The following SPAG6 variants were observed in gnomAD, a reference collection of about 807,000 sequenced individuals.
SPAG6 encodes sperm associated antigen 6.
A neutral mutation model predicts 58.5 loss-of-function variants in SPAG6; 49 were observed. The observed-to-expected ratio is 0.84, with a 90% CI of 0.67 to 1.06. SPAG6 has a LOEUF of 1.06. Ranked by LOEUF, SPAG6 falls within the 50% of genes least tolerant of loss-of-function variation. The probability of loss-of-function intolerance (pLI) is 0.00; values close to 1 mark genes in which losing one functional copy is unlikely to be tolerated. For missense variants in SPAG6, 560 were observed against 611.3 expected, an observed-to-expected ratio of 0.92 and a Z score of 0.89; for synonymous variants, 233 against 225.6, an observed-to-expected ratio of 1.03 and a Z score of -0.29.
In SPAG6 at chr10:22,387,923, T is replaced by A; in HGVS notation, c.779T>A (p.Leu260Gln). The change falls in exon 6 of 11, where the codon CTG (leucine) becomes CAG (glutamine). Residue 260 changes from leucine to glutamine, a missense_variant. Leu to Gln is a moderately radical substitution (Grantham distance 113, BLOSUM62 -2). Transcript: ENST00000376624. ...ATTTTTCCAGTTGTACTTACCTGTC[T>A]GAAGGACAAGGATGAATACGTGAAG... ...AEIFPVVLTCLKDKDEYVKKN... is the reference protein window; with the variant it reads ...AEIFPVVLTCQKDKDEYVKKN... 6.2e-7 allele frequency: 1 copy of A among 1,613,446 alleles called. No individual in the cohort carries two copies.
chr10:22,384,719 G>A (rs979297331), intron 4 of SPAG6, among the ~76,000 whole-genome samples: 3 of 152,132 alleles, frequency 2.0e-5, no homozygotes, highest in South Asian at 2.1e-4. Flanking sequence ...TGCCATCCCC[G>A]GCCTTCCCCA....
At chr10:22,397,395 C>T (rs890739869) in intron 8 of SPAG6, among the ~76,000 whole-genome samples, 3 of 152,188 alleles carry the variant, frequency 2.0e-5, no homozygotes, top group Admixed American at 1.3e-4. Context: ...TTACTGCAAC[C>T]TCCACCTCCC....
At chr10:22,400,539 A>G (rs1006053377) in intron 8 of SPAG6, among the ~76,000 whole-genome samples, 18 of 151,676 alleles carry the variant, frequency 1.2e-4, no homozygotes, top group African/African-American at 4.1e-4. Flanking sequence ...TATGGTACGT[A>G]TTCTTCTGCT....
Position 22,387,880 on chromosome 10 carries a change from A to G in SPAG6, c.736A>G (p.Met246Val). 6.2e-7 allele frequency: 1 copy of G among 1,613,598 alleles called. No homozygotes were observed. The highest frequency in any genetic ancestry group is 8.5e-7 in the Non-Finnish European group (1 of 1,179,774). Residue 246 changes from methionine (M) to valine (V), a missense_variant, in exon 6 of 11, where the codon ATG becomes GTG. By Grantham distance (21) the Met-to-Val change is conservative (BLOSUM62 1). Coordinates refer to ENST00000376624, the MANE Select transcript of SPAG6 (RefSeq NM_012443.4). ...VSKHSVDLAE[M>V]VVEAEIFPVV... is the part of the protein sequence containing the mutation. Reference sequence around the variant, plus strand: ...AAAACATTCCGTGGATCTGGCAGAAATGGTTGTTGAAGCAGAGATTTTTCC... The same window carrying G: ...AAAACATTCCGTGGATCTGGCAGAAGTGGTTGTTGAAGCAGAGATTTTTCC...
At chr10:22,347,042 T>C (rs1836578438) in intron 2 of SPAG6, among the ~76,000 whole-genome samples, 1 of 151,898 alleles carries the variant, frequency 6.6e-6, no homozygotes, top group South Asian at 2.1e-4. Flanking sequence ...TAATTGTTCG[T>C]GTGTGTGTGT....
chr10:22,368,205 G>T (rs1837251254), intron 3 of SPAG6, among the ~76,000 whole-genome samples: 1 of 152,204 alleles, frequency 6.6e-6, no homozygotes, highest in Admixed American at 6.5e-5. Context: ...TTATGAATTT[G>T]TGGAAAGTAT....
chr10:22,398,470 T>G (rs900091814), intron 8 of SPAG6, among the ~76,000 whole-genome samples: 1 of 152,226 alleles, frequency 6.6e-6, no homozygotes, highest in Non-Finnish European at 1.5e-5. Flanking sequence ...CTTATGCCTA[T>G]AATCCCAACA....
chr10:22,378,881 T>G (rs1385795750), intron 4 of SPAG6, among the ~76,000 whole-genome samples: 1 of 152,240 alleles, frequency 6.6e-6, no homozygotes, highest in Admixed American at 6.5e-5. Flanking sequence ...AATTTCTTAC[T>G]AAAGCCCTGT....
At position 22,416,647 on chromosome 10, in the gene SPAG6, C is replaced by T. The variant is rs1308504867; in HGVS notation, c.1489C>T (p.Leu497Phe). 1.9e-6 allele frequency: 3 copies of T among 1,609,152 alleles called. No individual in the cohort carries two copies. The highest frequency in any genetic ancestry group is 1.7e-5 in the Admixed American group (1 of 59,984). Residue 497 changes from leucine (L) to phenylalanine (F), a missense_variant, in exon 11 of 11, where the codon CTT (leucine) becomes TTT (phenylalanine). By Grantham distance (22) the Leu-to-Phe change is conservative (BLOSUM62 0). Coordinates refer to ENST00000376624, the MANE Select transcript of SPAG6 (RefSeq NM_012443.4). ...RYYSPGYSDT[L>F]LQRVDSYQPL... Reference sequence around the variant, plus strand: ...TTATTCCCCTGGATATTCAGATACACTTCTGCAGAGGGTGGACAGCTATCA... The same window carrying T: ...TTATTCCCCTGGATATTCAGATACATTTCTGCAGAGGGTGGACAGCTATCA...
chr10:22,414,114 T>C (rs1385654060), intron 10 of SPAG6, among the ~76,000 whole-genome samples: 1 of 152,192 alleles, frequency 6.6e-6, no homozygotes, highest in African/African-American at 2.4e-5. Flanking sequence ...AATTCCTTTT[T>C]CTTCAAAATC....
chr10:22,415,099 G>T (rs1174057959), intron 10 of SPAG6, among the ~76,000 whole-genome samples: 1 of 151,974 alleles, frequency 6.6e-6, no homozygotes, highest in Admixed American at 6.6e-5. Context: ...TCAGTAGCTG[G>T]TGGCTCCCAT....
At chr10:22,413,356 A>AC (rs1159421395) in intron 10 of SPAG6, among the ~76,000 whole-genome samples, 1 of 151,914 alleles carries the variant, frequency 6.6e-6, no homozygotes, top group African/African-American at 2.4e-5. Context: ...ACACGGTGAA[A>AC]CCCCGTCTCT....
chr10:22,352,138 G>A (rs2132030680), intron 2 of SPAG6, among the ~76,000 whole-genome samples: 1 of 152,148 alleles, frequency 6.6e-6, no homozygotes, highest in African/African-American at 2.4e-5. Flanking sequence ...TCCAGCCTGG[G>A]CGACAGAGCG....
intron 2 of SPAG6, among the ~76,000 whole-genome samples, chr10:22,362,031 T>A (rs1837056813): frequency 6.8e-6 from 1 of 146,438 alleles, no homozygotes; most frequent in South Asian, 2.1e-4. Flanking sequence ...TATATAAATA[T>A]ATAGATATAT....
intron 2 of SPAG6, chr10:22,346,100 G>T: frequency 5.4e-6 from 8 of 1,484,030 alleles, no homozygotes; most frequent in Non-Finnish European, 7.2e-6. Flanking sequence ...GTCATTTTAC[G>T]TGAATGGGAC....
intron 4 of SPAG6, among the ~76,000 whole-genome samples, chr10:22,373,866 G>C (rs1219073400): frequency 2.0e-5 from 3 of 151,668 alleles, no homozygotes; most frequent in Non-Finnish European, 4.4e-5. Flanking sequence ...TATTTTTTAG[G>C]TGCTAGTGAA....
intron 8 of SPAG6, among the ~76,000 whole-genome samples, chr10:22,396,093 G>T (rs116366335): frequency 0.012 from 1,833 of 152,238 alleles, 27 homozygotes; most frequent in African/African-American, 0.041. Flanking sequence ...GTCTTCACAT[G>T]GCAGAGCAGG....
At chr10:22,379,168 T>C (rs1303764166) in intron 4 of SPAG6, among the ~76,000 whole-genome samples, 1 of 152,220 alleles carries the variant, frequency 6.6e-6, no homozygotes, top group Non-Finnish European at 1.5e-5. Context: ...TATGCTTTTC[T>C]CACTTCCACC....
chr10:22,348,189 G>C (rs1018633935), intron 2 of SPAG6, among the ~76,000 whole-genome samples: 4 of 152,098 alleles, frequency 2.6e-5, no homozygotes, highest in African/African-American at 7.2e-5. Flanking sequence ...CGGGGTTCCA[G>C]CATGTTGGCC....
Sources: gnomAD v4.1 joint callset for allele counts (sites outside exome capture counted in the v4.1 genomes callset) on GRCh38, gnomAD v4.1.1 for gene constraint, MANE v1.5 for transcripts, NCBI Gene and HGNC (gene_info 2026-07-23, HGNC 2026-07-21) for gene names.